ARPP21: variants seen among roughly 807,000 people sequenced by gnomAD.
The protein encoded by ARPP21 is cAMP regulated phosphoprotein 21, also known as cAMP-regulated phosphoprotein 21.
Under a neutral mutation model 113.2 loss-of-function variants are expected in ARPP21, and 69 were observed. The observed-to-expected ratio is 0.61, with a 90% CI of 0.50 to 0.74. The LOEUF (loss-of-function observed/expected upper bound fraction) is 0.74. ARPP21 is among the 30% of genes least tolerant of loss of function. The probability of loss-of-function intolerance (pLI) is 0.00; values close to 1 mark genes in which losing one functional copy is unlikely to be tolerated. For missense variants in ARPP21, 1,070 were observed against 1,037.4 expected, an observed-to-expected ratio of 1.03 and a Z score of -0.43; for synonymous variants, 368 against 375.5, an observed-to-expected ratio of 0.98 and a Z score of 0.23.
intron 19 of ARPP21, among the ~76,000 whole-genome samples, chr3:35,756,317 C>T (rs1024042241): frequency 1.3e-5 from 2 of 152,052 alleles, no homozygotes; most frequent in African/African-American, 2.4e-5. Flanking sequence ...AGAGCTTATG[C>T]GAGTGACAGT....
intron 1 of ARPP21, among the ~76,000 whole-genome samples, chr3:35,673,031 A>T (rs1423563372): frequency 1.3e-5 from 2 of 152,090 alleles, no homozygotes; most frequent in African/African-American, 4.8e-5. Flanking sequence ...CAGTCAAAAA[A>T]TACCACTGTA....
intron 17 of ARPP21, among the ~76,000 whole-genome samples, chr3:35,738,940 C>T (rs887282939): frequency 2.6e-5 from 4 of 152,148 alleles, no homozygotes; most frequent in African/African-American, 7.2e-5. Context: ...TGGGTGTTCT[C>T]GAGAGGCAAA....
intron 11 of ARPP21, among the ~76,000 whole-genome samples, chr3:35,714,315 G>T (rs534244823): frequency 6.6e-6 from 1 of 152,142 alleles, no homozygotes; most frequent in Non-Finnish European, 1.5e-5. Flanking sequence ...CTTAGTGGAA[G>T]GAAATTATTT....
chr3:35,722,897 A>T, intron 14 of ARPP21, among the ~76,000 whole-genome samples: 1 of 152,208 alleles, frequency 6.6e-6, no homozygotes, highest in East Asian at 1.9e-4. Flanking sequence ...CTAAAATCTC[A>T]GGAAGGTGAC....
intron 19 of ARPP21, among the ~76,000 whole-genome samples, chr3:35,751,921 A>G (rs2095417799): frequency 6.6e-6 from 1 of 152,160 alleles, no homozygotes; most frequent in East Asian, 1.9e-4. Flanking sequence ...GAGCACACAA[A>G]TAAGAGGAAA....
intron 15 of ARPP21, 144 bp from the exon 16 acceptor site, chr3:35,737,034 C>T: frequency 1.8e-6 from 1 of 571,288 alleles, no homozygotes; most frequent in Non-Finnish European, 3.2e-6. Context: ...AAGGTCTTCA[C>T]ATTGGTGAAG....
intron 15 of ARPP21, among the ~76,000 whole-genome samples, chr3:35,733,963 A>G (rs1567790): frequency 0.62 from 94,919 of 152,030 alleles, 30,585 homozygotes; most frequent in East Asian, 0.88. Context: ...TTGGGATTAT[A>G]TTTTAAAATT....
chr3:35,665,063 G>C (rs925702245), intron 1 of ARPP21, among the ~76,000 whole-genome samples: 2 of 152,186 alleles, frequency 1.3e-5, no homozygotes, highest in African/African-American at 4.8e-5. Flanking sequence ...TGAATTTGCA[G>C]ATCTTAAAGG....
At chr3:35,736,459 T>C (rs1321655418) in intron 15 of ARPP21, among the ~76,000 whole-genome samples, 2 of 152,156 alleles carry the variant, frequency 1.3e-5, no homozygotes, top group Admixed American at 6.5e-5. Context: ...TTGTAAACTA[T>C]AAAATACTCC....
At chr3:35,755,631 A>G (rs1036199821) in intron 19 of ARPP21, among the ~76,000 whole-genome samples, 4 of 152,108 alleles carry the variant, frequency 2.6e-5, no homozygotes, top group African/African-American at 9.6e-5. Flanking sequence ...CTAGTAAAAG[A>G]CCACAAAGAG....
chr3:35,785,495 T>C (rs1457506029), intron 19 of ARPP21, among the ~76,000 whole-genome samples: 2 of 147,382 alleles, frequency 1.4e-5, no homozygotes, highest in African/African-American at 2.6e-5. Context: ...ATGTGTCTCA[T>C]GTTTGCCCTG....
rs779840983 is a variant in ARPP21 at position 35,737,195 on chromosome 3, C to A, written c.1477C>A (p.Pro493Thr). 5 of 1,607,738 alleles carry A rather than the reference C, an allele frequency of 3.1e-6. No homozygotes were observed. The highest frequency in any genetic ancestry group is 2.7e-5 in the African/African-American group (2 of 74,844). Residue 493 changes from proline (P) to threonine (T), a missense_variant, in exon 16 of 21, where the codon CCC becomes ACC. Physicochemically the swap from Pro to Thr is conservative, Grantham distance 38. Transcript: ENST00000684406. ...CATTGCAGGCCAGCCCTTTGTGAAT[C>A]CCGATGGAACTCCTGCAATATACAA... ...NPHTGQPFVNPDGTPAIYNPP... is the reference protein window; with the variant it reads ...NPHTGQPFVNTDGTPAIYNPP...
At chr3:35,793,358 A>C (rs1002884033) in intron 20 of ARPP21, among the ~76,000 whole-genome samples, 10 of 152,208 alleles carry the variant, frequency 6.6e-5, no homozygotes, top group African/African-American at 2.4e-4. Context: ...GAAGATCTAG[A>C]CTATAGTTTC....
intron 19 of ARPP21, among the ~76,000 whole-genome samples, chr3:35,779,586 C>CA (rs5847898): frequency 0.48 from 69,816 of 146,224 alleles, 18,213 homozygotes; most frequent in African/African-American, 0.71. Flanking sequence ...TAGTGAGGGT[C>CA]AAAAAAAAAA....
At chr3:35,763,730 C>T (rs1303228937) in intron 19 of ARPP21, among the ~76,000 whole-genome samples, 2 of 152,126 alleles carry the variant, frequency 1.3e-5, no homozygotes, top group African/African-American at 4.8e-5. Context: ...CTGGGTAGGG[C>T]CATCCTACAG....
intron 2 of ARPP21, 58 bp from the exon 3 acceptor site, chr3:35,681,656 A>G: frequency 2.3e-6 from 2 of 851,126 alleles, no homozygotes; most frequent in Admixed American, 2.7e-5. Context: ...TGAAATCTCT[A>G]AAGAATGATA....
chr3:35,723,381 A>G (rs1373607782), intron 14 of ARPP21, among the ~76,000 whole-genome samples: 1 of 152,316 alleles, frequency 6.6e-6, no homozygotes, highest in East Asian at 1.9e-4. Context: ...GTCACTACAT[A>G]ATACACACAC....
chr3:35,716,880 A>G (rs541332415), intron 12 of ARPP21, among the ~76,000 whole-genome samples: 213 of 152,152 alleles, frequency 1.4e-3, no homozygotes, highest in Non-Finnish European at 2.3e-3. Flanking sequence ...GGAAACCAAA[A>G]ATCTAAGTGA....
intron 3 of ARPP21, 86 bp downstream of exon 3, chr3:35,681,966 T>C (rs1014259371): frequency 7.1e-7 from 1 of 1,400,254 alleles, no homozygotes; most frequent in Non-Finnish European, 9.6e-7. Flanking sequence ...GAGATTTATT[T>C]TTTAAAGAGT....
Sources: allele counts gnomAD v4.1 joint callset (sites outside exome capture counted in the v4.1 genomes callset), GRCh38; gene constraint gnomAD v4.1.1; transcripts MANE v1.5; gene names NCBI Gene and HGNC (gene_info 2026-07-23, HGNC 2026-07-21).